DIP2B: variants seen among roughly 807,000 people sequenced by gnomAD.
DIP2B encodes disco-interacting protein 2 homolog B.
Under a neutral mutation model 198.0 loss-of-function variants are expected in DIP2B, and 76 were observed. That is an observed-to-expected ratio of 0.38 (90% CI 0.32 to 0.46). DIP2B has a LOEUF of 0.46. Ranked by LOEUF, DIP2B falls within the 20% of genes least tolerant of loss-of-function variation. The pLI is 0.99. For missense variants in DIP2B, 1,559 were observed against 1,978.4 expected, an observed-to-expected ratio of 0.79 and a Z score of 4.02; for synonymous variants, 701 against 739.1, an observed-to-expected ratio of 0.95 and a Z score of 0.84.
At chr12:50,612,241 T>C (rs980081185) in intron 1 of DIP2B, among the ~76,000 whole-genome samples, 1 of 152,090 alleles carries the variant, frequency 6.6e-6, no homozygotes, top group Non-Finnish European at 1.5e-5. Context: ...AGTGAGACCC[T>C]GTCTCGAAAA....
intron 1 of DIP2B, among the ~76,000 whole-genome samples, chr12:50,577,836 G>C (rs994465338): frequency 6.6e-6 from 1 of 152,050 alleles, no homozygotes; most frequent in Non-Finnish European, 1.5e-5. Context: ...CTATGTAGTT[G>C]GAAGAGTCAG....
At position 50,739,457 on chromosome 12, in the gene DIP2B, G is replaced by C; in HGVS notation, c.4225G>C (p.Asp1409His). 6.2e-7 allele frequency: 1 copy of C among 1,614,124 alleles called. No homozygotes were observed. The change falls in exon 36 of 38, where the codon GAT becomes CAT. Residue 1409 changes from aspartate (D) to histidine (H), a missense_variant. Transcript: ENST00000301180. ...HTASGYYTIY[D>H]SETLQADHFN... Reference sequence around the variant, plus strand: ...AGCCAGCGGCTACTACACCATCTATGATAGCGAGACTCTTCAAGCTGATCA... The same window carrying C: ...AGCCAGCGGCTACTACACCATCTATCATAGCGAGACTCTTCAAGCTGATCA...
At position 50,602,990 on chromosome 12, in the gene DIP2B, C is replaced by G. The variant is rs575943525; in HGVS notation, c.101-22986C>G. 2.6e-5 allele frequency among the ~76,000 whole-genome samples: 4 copies of G among 151,544 alleles called. No homozygotes were observed. The East Asian group carries it at 7.8e-4, about 30-fold the overall frequency. ...CCATCCTGGCATACACGGTGAAACC[C>G]TGTCTCTACTAAAAATACAAAAAAT... On this transcript the variant is annotated intron_variant, in intron 1 of 37. Transcript: ENST00000301180.
chr12:50,550,859 C>T (rs1369049275), intron 1 of DIP2B, among the ~76,000 whole-genome samples: 1 of 152,176 alleles, frequency 6.6e-6, no homozygotes, highest in African/African-American at 2.4e-5. Context: ...CACAGTGGCT[C>T]ACGTTTATAA....
intron 1 of DIP2B, among the ~76,000 whole-genome samples, chr12:50,535,018 C>T (rs926905520): frequency 6.6e-6 from 1 of 152,026 alleles, no homozygotes; most frequent in African/African-American, 2.4e-5. Context: ...CATTTGAGCT[C>T]GGGAGTTTGA....
rs60815215 is a variant in DIP2B at position 50,663,555 on chromosome 12, C to CAAATAAATAAATAAATAAATAAAT, written c.427+3240_427+3263dup. On this transcript the variant is annotated intron_variant, in intron 4 of 37. Transcript: ENST00000301180. ...TGGGCAACAGAGCCAGACTCCGTCT[C>CAAATAAATAAATAAATAAATAAAT]AAATAAATAAATAAATAAATAAATA... Among the ~76,000 whole-genome samples the CAAATAAATAAATAAATAAATAAAT allele has an allele frequency of 1.6e-3, 231 of 141,908 alleles. 4 individuals are homozygous for CAAATAAATAAATAAATAAATAAAT. The highest frequency in any genetic ancestry group is 6.9e-3 in the Middle Eastern group (2 of 290). 93.1% of individuals were successfully genotyped at this position (141,908 alleles called of 152,430 possible). A position where few individuals can be genotyped will look rare whatever the true frequency, so the allele number is the denominator to read the frequency against.
At chr12:50,580,248 C>A (rs1958712182) in intron 1 of DIP2B, among the ~76,000 whole-genome samples, 1 of 148,760 alleles carries the variant, frequency 6.7e-6, no homozygotes, top group Non-Finnish European at 1.5e-5. Context: ...CACACTGTTG[C>A]CCCAAACCTT....
intron 1 of DIP2B, among the ~76,000 whole-genome samples, chr12:50,618,061 A>G (rs766771258): frequency 6.6e-6 from 1 of 152,266 alleles, no homozygotes; most frequent in Admixed American, 6.5e-5. Flanking sequence ...TAGGCAAGAC[A>G]TTTAACTTTT....
chr12:50,630,021 C>T (rs1189138431), intron 2 of DIP2B, among the ~76,000 whole-genome samples: 1 of 150,882 alleles, frequency 6.6e-6, no homozygotes, highest in Non-Finnish European at 1.5e-5. Context: ...GCGATCTCGG[C>T]TCACTGCAAC....
At chr12:50,529,846 G>C (rs1300580987) in intron 1 of DIP2B, among the ~76,000 whole-genome samples, 2 of 151,772 alleles carry the variant, frequency 1.3e-5, no homozygotes, top group Non-Finnish European at 2.9e-5. Flanking sequence ...GTGACAGAGC[G>C]AGCCTCTGTC....
At chr12:50,512,107 CTTT>C (rs35584870) in intron 1 of DIP2B, among the ~76,000 whole-genome samples, 2 of 122,266 alleles carry the variant, frequency 1.6e-5, no homozygotes, top group Admixed American at 9.0e-5. Context: ...AATGTAAGCT[CTTT>C]TTTTTTTTTT....
chr12:50,667,165 C>T (rs528102870), intron 4 of DIP2B, among the ~76,000 whole-genome samples: 2 of 152,262 alleles, frequency 1.3e-5, no homozygotes, highest in South Asian at 2.1e-4. Flanking sequence ...ACAATGCGCC[C>T]GGCCAACATG....
chr12:50,648,606 G>A (rs1377974318), intron 3 of DIP2B, among the ~76,000 whole-genome samples: 3 of 149,902 alleles, frequency 2.0e-5, no homozygotes, highest in African/African-American at 2.5e-5. Context: ...CTCGTGATCC[G>A]CCCGTCTCGG....
intron 19 of DIP2B, among the ~76,000 whole-genome samples, chr12:50,699,875 A>G (rs1939386737): frequency 1.4e-5 from 2 of 145,940 alleles, no homozygotes; most frequent in Non-Finnish European, 3.0e-5. Flanking sequence ...ACACACACAC[A>G]CACACACACA....
At chr12:50,550,263 C>T (rs1958416120) in intron 1 of DIP2B, among the ~76,000 whole-genome samples, 2 of 152,058 alleles carry the variant, frequency 1.3e-5, no homozygotes, top group African/African-American at 4.8e-5. Flanking sequence ...CTCGTGGGGC[C>T]AGCTGGAATT....
At chr12:50,647,228 T>C (rs1218100815) in intron 3 of DIP2B, among the ~76,000 whole-genome samples, 2 of 152,032 alleles carry the variant, frequency 1.3e-5, no homozygotes, top group African/African-American at 4.8e-5. Context: ...TTTTGTATTT[T>C]TTGTGGAGAC....
At chr12:50,561,843 A>G (rs1958521903) in intron 1 of DIP2B, among the ~76,000 whole-genome samples, 1 of 152,174 alleles carries the variant, frequency 6.6e-6, no homozygotes, top group Admixed American at 6.5e-5. Context: ...TTCTGGCCTC[A>G]AGTGATCCAC....
chr12:50,719,104 CTT>C (rs1939787383), intron 25 of DIP2B, 69 bp downstream of exon 25: 1 of 1,501,182 alleles, frequency 6.7e-7, no homozygotes. Flanking sequence ...CTCTTGATCT[CTT>C]TCTTTCATCA....
At chr12:50,566,639 T>A (rs1958565790) in intron 1 of DIP2B, among the ~76,000 whole-genome samples, 1 of 152,136 alleles carries the variant, frequency 6.6e-6, no homozygotes, top group Admixed American at 6.6e-5. Flanking sequence ...TCTCTGAGGC[T>A]CTGTTAGATT....
Sources: gnomAD v4.1 joint callset for allele counts (sites outside exome capture counted in the v4.1 genomes callset) on GRCh38, gnomAD v4.1.1 for gene constraint, MANE v1.5 for transcripts, NCBI Gene and HGNC (gene_info 2026-07-23, HGNC 2026-07-21) for gene names.